EXOC4: variants seen among roughly 807,000 people sequenced by gnomAD.
EXOC4 encodes SEC8-like 1.
EXOC4 carries 71 observed loss-of-function variants against 107.2 expected under a neutral mutation model. The ratio of observed to expected loss-of-function variants is 0.66; its 90% CI spans 0.55 to 0.81. EXOC4 has a LOEUF of 0.81. EXOC4 is among the 30% of genes least tolerant of loss of function. EXOC4 has a pLI of 0.00. For missense variants in EXOC4, 1,108 were observed against 1,189.6 expected (o/e 0.93, Z 1.01); for synonymous variants, 456 against 441.2 (o/e 1.03, Z -0.42).
intron 10 of EXOC4, chr7:133,732,936 AT>A: frequency 1.3e-5 from 2 of 158,736 alleles, no homozygotes; most frequent in South Asian, 3.4e-4. Flanking sequence ...ATGGTCTGCC[AT>A]TTTTTTGACC....
At chr7:133,483,391 G>T (rs760081369) in intron 9 of EXOC4, among the ~76,000 whole-genome samples, 1 of 152,130 alleles carries the variant, frequency 6.6e-6, no homozygotes, top group Non-Finnish European at 1.5e-5. Context: ...GAGCTCTCTG[G>T]CCCAGGACAA....
chr7:133,315,696 T>TA (rs1206989912), intron 4 of EXOC4, among the ~76,000 whole-genome samples: 1 of 152,246 alleles, frequency 6.6e-6, no homozygotes, highest in African/African-American at 2.4e-5. Flanking sequence ...GCTAGGAACT[T>TA]ACAGGTTTAC....
At chr7:133,855,130 T>TATATATCTAAATATATAAATATATATAA (rs1798342365) in intron 11 of EXOC4, among the ~76,000 whole-genome samples, 2 of 105,966 alleles carry the variant, frequency 1.9e-5, no homozygotes, top group Non-Finnish European at 3.9e-5. Context: ...TATATATAAA[T>TATATATCTAAATATATAAATATATATAA]ATATATATAT....
At position 133,896,791 on chromosome 7, in the gene EXOC4, G is replaced by A. The variant is rs7811235; in HGVS notation, c.1871+1056G>A. ...AGCGATTCTCCTGCCTCATCCCCCT[G>A]AGTAGCTGGGACTACAGGTGCGCGC... On this transcript the variant is annotated intron_variant, in intron 12 of 17. Coordinates refer to ENST00000253861, the MANE Select transcript of EXOC4 (RefSeq NM_021807.4). 7.0e-3 allele frequency among the ~76,000 whole-genome samples: 1,000 copies of A among 142,996 alleles called. 22 individuals are homozygous for A. The highest frequency in any genetic ancestry group is 0.026 in the African/African-American group (938 of 35,698). 93.8% of individuals were successfully genotyped at this position (142,996 alleles called of 152,430 possible).
intron 14 of EXOC4, among the ~76,000 whole-genome samples, chr7:133,950,581 G>T (rs931104962): frequency 6.6e-6 from 1 of 152,158 alleles, no homozygotes; most frequent in South Asian, 2.1e-4. Flanking sequence ...ATAGAACTTC[G>T]TTCAAGAAGT....
chr7:133,328,016 T>A (rs539738603), intron 5 of EXOC4, among the ~76,000 whole-genome samples: 1 of 152,204 alleles, frequency 6.6e-6, no homozygotes, highest in Non-Finnish European at 1.5e-5. Flanking sequence ...CTCGTTGATC[T>A]GTCTAATATT....
intron 17 of EXOC4, among the ~76,000 whole-genome samples, chr7:134,059,519 G>T (rs1184853256): frequency 6.6e-6 from 1 of 152,164 alleles, no homozygotes; most frequent in Non-Finnish European, 1.5e-5. Flanking sequence ...AAAAGAATGT[G>T]AGTTAGATGC....
Position 133,317,329 on chromosome 7 carries a change from C to G in EXOC4, c.702C>G (p.Asn234Lys). The G allele has an allele frequency of 6.2e-7, 1 of 1,613,808 alleles. No individual in the cohort carries two copies. Among genetic ancestry groups the G allele is most frequent in the Non-Finnish European group, 8.5e-7 (1 of 1,179,714 alleles). Residue 234 changes from asparagine to lysine, a missense_variant, in exon 5 of 18, where the codon AAC becomes AAG. Coordinates refer to ENST00000253861, the MANE Select transcript of EXOC4 (RefSeq NM_021807.4). ...CTGTTCCTCTGATTGATGTTACAAA[C>G]CTCCCTACTCCTCGAAAATTCCTTG... ...DASVPLIDVT[N>K]LPTPRKFLDT...
chr7:133,436,866 A>G (rs776106825), intron 7 of EXOC4, among the ~76,000 whole-genome samples: 3 of 152,118 alleles, frequency 2.0e-5, no homozygotes, highest in Non-Finnish European at 4.4e-5. Flanking sequence ...GTAACTTATG[A>G]TCTTTTCCCA....
intron 9 of EXOC4, chr7:133,484,142 A>G: frequency 1.2e-6 from 2 of 1,609,452 alleles, no homozygotes; most frequent in Middle Eastern, 1.7e-4. Context: ...TTTATCATAC[A>G]ATTAGAAATG....
chr7:134,023,884 T>C (rs746678455), intron 17 of EXOC4, among the ~76,000 whole-genome samples: 16 of 151,958 alleles, frequency 1.1e-4, no homozygotes, highest in Admixed American at 2.0e-4. Context: ...CCCAAGAAGA[T>C]GATGAAGGAG....
Position 133,943,102 on chromosome 7 carries a change from G to A in EXOC4, c.2206+5033G>A, listed in dbSNP as rs77826256. ...ACTAGCCATGTCTCAAATGCTCAGT[G>A]GCTGTTATATTGGACAGTATAGGTA... On this transcript the variant is annotated intron_variant, in intron 14 of 17. Transcript: ENST00000253861. Among the ~76,000 whole-genome samples the A allele has an allele frequency of 5.3e-3, 811 of 152,250 alleles. 4 individuals are homozygous for A. Among genetic ancestry groups the A allele is most frequent in the Middle Eastern group, 0.024 (7 of 294 alleles).
intron 2 of EXOC4, among the ~76,000 whole-genome samples, chr7:133,286,907 G>C (rs1230588244): frequency 6.6e-6 from 1 of 152,126 alleles, no homozygotes; most frequent in Non-Finnish European, 1.5e-5. Context: ...CTCCCAATTT[G>C]GCCAATGCTG....
chr7:133,862,325 A>G (rs1798551130), intron 11 of EXOC4, among the ~76,000 whole-genome samples: 2 of 151,946 alleles, frequency 1.3e-5, no homozygotes, highest in Admixed American at 1.3e-4. Context: ...CATCTCTACT[A>G]AAAATACAAA....
rs551115964 is a variant in EXOC4 at position 133,843,656 on chromosome 7, T to C, written c.1734+26112T>C. On this transcript the variant is annotated intron_variant, in intron 11 of 17. Coordinates refer to ENST00000253861, the MANE Select transcript of EXOC4 (RefSeq NM_021807.4). ...TCTCTTCCTATTTGGATGCCTTTTCTTTTTTTTTGTCTGATTGCTGTGTCC... is the reference window on the plus strand; with the variant it reads ...TCTCTTCCTATTTGGATGCCTTTTCCTTTTTTTTGTCTGATTGCTGTGTCC... Among the ~76,000 whole-genome samples the C allele has an allele frequency of 2.1e-4, 31 of 150,656 alleles. No individual in the cohort carries two copies. The South Asian group carries it at 6.3e-3, about 31-fold the overall frequency.
intron 10 of EXOC4, among the ~76,000 whole-genome samples, chr7:133,703,366 C>G (rs916831703): frequency 6.6e-6 from 1 of 152,138 alleles, no homozygotes; most frequent in Non-Finnish European, 1.5e-5. Flanking sequence ...TGTAAGGATA[C>G]CTTCGTCACA....
chr7:133,819,172 C>A (rs1797448353), intron 11 of EXOC4, among the ~76,000 whole-genome samples: 1 of 152,126 alleles, frequency 6.6e-6, no homozygotes, highest in Non-Finnish European at 1.5e-5. Flanking sequence ...CTGTTACAAC[C>A]TCTGGATGCC....
intron 15 of EXOC4, among the ~76,000 whole-genome samples, chr7:134,003,341 A>G (rs1007543369): frequency 3.3e-5 from 5 of 152,006 alleles, no homozygotes; most frequent in African/African-American, 1.2e-4. Context: ...TTTGGAGGAG[A>G]TGTTTGTGTT....
At chr7:134,100,294 C>G in the EXOC4 span, among the ~76,000 whole-genome samples, 1 of 73,778 alleles carries the variant, frequency 1.4e-5, no homozygotes, top group Non-Finnish European at 3.3e-5. Context: ...AGGCCTGGAA[C>G]AGCTCCTTCC....
Sources: gnomAD v4.1 joint callset for allele counts (sites outside exome capture counted in the v4.1 genomes callset) on GRCh38, gnomAD v4.1.1 for gene constraint, MANE v1.5 for transcripts, NCBI Gene and HGNC (gene_info 2026-07-23, HGNC 2026-07-21) for gene names.